METTL21C: variants seen among roughly 807,000 people sequenced by gnomAD.
The protein encoded by METTL21C is methyltransferase 21C, AARS1 lysine, also known as protein-lysine methyltransferase METTL21C.
Under a neutral mutation model 25.9 loss-of-function variants are expected in METTL21C, and 21 were observed. That is an observed-to-expected ratio of 0.81 (90% CI 0.58 to 1.17). The LOEUF (loss-of-function observed/expected upper bound fraction) is 1.17, where lower values mean the gene tolerates loss of function less well. Ranked by LOEUF, METTL21C falls within the 50% of genes most tolerant of loss-of-function variation. The pLI is 0.00. For missense variants in METTL21C, 312 were observed against 315.1 expected (o/e 0.99, Z 0.07); for synonymous variants, 125 against 124.7 (o/e 1.00, Z -0.01).
At chr13:102,695,951 CAT>C (rs778450692), upstream of METTL21C, among the ~76,000 whole-genome samples, 45 of 152,224 alleles carry the variant, frequency 3.0e-4, no homozygotes, top group Non-Finnish European at 5.6e-4. Context: ...TAGACACACA[CAT>C]AGACAAACAT....
Position 102,694,842 on chromosome 13 carries a change from A to G in METTL21C, c.-344T>C, listed in dbSNP as rs1250440322. On this transcript the variant is annotated 5_prime_UTR_variant, in exon 1 of 4. Coordinates refer to ENST00000267273, the MANE Select transcript of METTL21C (RefSeq NM_001010977.3). ...GGTAGCATTATCTACCAGTCCTCAT[A>G]GACACATTACTTTGCTAGAATTCTC... Among the ~76,000 whole-genome samples the G allele has an allele frequency of 1.3e-5, 2 of 151,706 alleles. No homozygotes were observed. Among genetic ancestry groups the G allele is most frequent in the Non-Finnish European group, 2.9e-5 (2 of 67,964 alleles).
At chr13:102,699,808 C>CG (rs201654269), upstream of METTL21C, among the ~76,000 whole-genome samples, 1 of 152,160 alleles carries the variant, frequency 6.6e-6, no homozygotes, top group Non-Finnish European at 1.5e-5. Flanking sequence ...CAATACCCCC[C>CG]CGACCCAGCC....
At chr13:102,698,645 C>T (rs901631923), upstream of METTL21C, among the ~76,000 whole-genome samples, 4 of 152,022 alleles carry the variant, frequency 2.6e-5, no homozygotes, top group African/African-American at 9.7e-5. Context: ...AATCAATGAC[C>T]CCAATTTTCC....
Position 102,685,981 on chromosome 13 carries a change from A to G in METTL21C, c.*50T>C. On this transcript the variant is annotated 3_prime_UTR_variant, in exon 4 of 4. Transcript: ENST00000267273. ...AAGTCTATTACCAAAGCAATTTCTA[A>G]CACATTGCTCAAAAGACACAGTAAC... 2.0e-6 allele frequency: 3 copies of G among 1,518,390 alleles called. No homozygotes were observed. Among genetic ancestry groups the G allele is most frequent in the Non-Finnish European group, 2.6e-6 (3 of 1,132,302 alleles). 94.1% of individuals were successfully genotyped at this position (1,518,390 alleles called of 1,614,324 possible). A position where few individuals can be genotyped will look rare whatever the true frequency, so the allele number is the denominator to read the frequency against.
chr13:102,687,854 TC>T (rs1157415621), intron 2 of METTL21C, among the ~76,000 whole-genome samples: 5 of 151,096 alleles, frequency 3.3e-5, no homozygotes, highest in Admixed American at 3.3e-4. Flanking sequence ...AACTTCCCTT[TC>T]TTCTTTATTC....
intron 2 of METTL21C, among the ~76,000 whole-genome samples, chr13:102,688,533 G>A (rs1885739581): frequency 6.6e-6 from 1 of 152,246 alleles, no homozygotes; most frequent in African/African-American, 2.4e-5. Flanking sequence ...GGCCAGGGCG[G>A]TGGGTAAAAT....
At chr13:102,701,169 T>C in the METTL21C span, among the ~76,000 whole-genome samples, 1 of 151,924 alleles carries the variant, frequency 6.6e-6, no homozygotes, top group South Asian at 2.1e-4. Context: ...GGCCATGCTG[T>C]CAAGGTTTGG....
intron 2 of METTL21C, among the ~76,000 whole-genome samples, chr13:102,687,340 G>A (rs1885702504): frequency 6.6e-6 from 1 of 152,162 alleles, no homozygotes. Context: ...TTTCAAATCA[G>A]GGCAATGTTG....
the METTL21C span, among the ~76,000 whole-genome samples, chr13:102,702,488 A>G: frequency 3.3e-4 from 50 of 152,346 alleles, 1 homozygote; most frequent in South Asian, 0.01. Flanking sequence ...TGTAGATGAC[A>G]TGATTTTCCA....
intron 1 of METTL21C, 90 bp from the exon 2 acceptor site, chr13:102,691,054 T>TTATACCTTTACATAAAGAGAA: frequency 5.0e-6 from 7 of 1,401,840 alleles, no homozygotes; most frequent in Non-Finnish European, 6.9e-6. Flanking sequence ...TGGCATTAGA[T>TTATACCTTTACATAAAGAGAA]TGAATGACCT....
rs1885913373 is a variant in METTL21C, at chr13:102,694,680, T to A, written c.-182A>T. 6.6e-6 allele frequency among the ~76,000 whole-genome samples: 1 copy of A among 151,574 alleles called. No individual in the cohort carries two copies. Among genetic ancestry groups the A allele is most frequent in the Admixed American group, 6.6e-5 (1 of 15,222 alleles). On this transcript the variant is annotated 5_prime_UTR_variant, in exon 1 of 4. Coordinates refer to ENST00000267273, the MANE Select transcript of METTL21C (RefSeq NM_001010977.3). ...CAAAATAATTTTGAATTGTTACACG[T>A]ATCTTTACCTTATGCAGCAGAAGAG...
chr13:102,692,775 A>C (rs1396459374), intron 1 of METTL21C, among the ~76,000 whole-genome samples: 2 of 152,178 alleles, frequency 1.3e-5, no homozygotes, highest in African/African-American at 2.4e-5. Flanking sequence ...AAAGGTAACC[A>C]ATTCAGTCCT....
At chr13:102,692,074 G>A (rs1020436710) in intron 1 of METTL21C, among the ~76,000 whole-genome samples, 3 of 152,156 alleles carry the variant, frequency 2.0e-5, no homozygotes, top group Non-Finnish European at 4.4e-5. Flanking sequence ...AGTTTTGTTT[G>A]CACGAAACCT....
chr13:102,689,180 T>C (rs1042686331), intron 2 of METTL21C, among the ~76,000 whole-genome samples: 18 of 152,270 alleles, frequency 1.2e-4, no homozygotes, highest in Middle Eastern at 6.8e-3. Context: ...TCCTCTTGCC[T>C]CGGCTTCTGA....
chr13:102,702,528 A>G, the METTL21C span, among the ~76,000 whole-genome samples: 1 of 152,230 alleles, frequency 6.6e-6, no homozygotes. Context: ...TCTATAGACA[A>G]ACTATTTGGA....
rs752341378 is a variant in METTL21C at position 102,690,875 on chromosome 13, C to T, written c.220G>A (p.Ala74Thr). ...ASYTQEHYRF[A>T]GKEIVIQESI... ...TCCTGGATGACAATCTCCTTTCCTGCAAACCGATAATGCTCCTGAGTGTAG... is the reference window on the plus strand; with the variant it reads ...TCCTGGATGACAATCTCCTTTCCTGTAAACCGATAATGCTCCTGAGTGTAG... Residue 74 changes from alanine (A) to threonine (T), a missense_variant, in exon 2 of 4, where the codon GCA becomes ACA. Physicochemically the swap from Ala to Thr is moderately conservative, Grantham distance 58 (BLOSUM62 0). Coordinates refer to ENST00000267273, the MANE Select transcript of METTL21C (RefSeq NM_001010977.3). 6.2e-7 allele frequency: 1 copy of T among 1,614,182 alleles called. No individual in the cohort carries two copies. The highest frequency in any genetic ancestry group is 1.1e-5 in the South Asian group (1 of 91,084).
At chr13:102,689,690 G>T (rs542565418) in intron 2 of METTL21C, among the ~76,000 whole-genome samples, 1 of 152,198 alleles carries the variant, frequency 6.6e-6, no homozygotes, top group Non-Finnish European at 1.5e-5. Flanking sequence ...CACTGGCTCT[G>T]AGGGCCACTG....
intron 2 of METTL21C, 123 bp downstream of exon 2, chr13:102,690,690 C>A: frequency 8.6e-7 from 1 of 1,159,928 alleles, no homozygotes; most frequent in East Asian, 2.6e-5. Flanking sequence ...AGGGGGCAAG[C>A]AACTGAACCT....
chr13:102,703,567 G>A, the METTL21C span, among the ~76,000 whole-genome samples: 1 of 152,170 alleles, frequency 6.6e-6, no homozygotes, highest in African/African-American at 2.4e-5. Context: ...AGTTCTTGGC[G>A]CTTCTGTTAA....
Sources: allele counts gnomAD v4.1 joint callset (sites outside exome capture counted in the v4.1 genomes callset), GRCh38; gene constraint gnomAD v4.1.1; transcripts MANE v1.5; gene names NCBI Gene and HGNC (gene_info 2026-07-23, HGNC 2026-07-21).